MECOM: variants seen among roughly 807,000 people sequenced by gnomAD.
MECOM encodes histone-lysine N-methyltransferase MECOM.
In MECOM, 13 loss-of-function variants were observed where a neutral mutation model predicts 116.3. That is an observed-to-expected ratio of 0.11 (90% CI 0.07 to 0.18). The LOEUF is 0.18. Among genes scored for constraint, MECOM ranks in the 10% least tolerant of loss-of-function variants. The pLI is 1.00. For missense variants in MECOM, 1,299 were observed against 1,509.0 expected (o/e 0.86, Z 2.31); for synonymous variants, 528 against 535.2 (o/e 0.99, Z 0.19).
intron 2 of MECOM, among the ~76,000 whole-genome samples, chr3:169,219,284 A>G (rs1751806656): frequency 1.3e-5 from 2 of 152,182 alleles, no homozygotes; most frequent in African/African-American, 4.8e-5. Flanking sequence ...AGGAGGGTGG[A>G]TCACGAGGTC....
chr3:169,633,615 C>T (rs968738850), intron 1 of MECOM, among the ~76,000 whole-genome samples: 1 of 152,112 alleles, frequency 6.6e-6, no homozygotes, highest in Admixed American at 6.5e-5. Context: ...AATTCACCCA[C>T]ACACACACTC....
At chr3:169,509,810 G>T (rs1030005438) in intron 1 of MECOM, among the ~76,000 whole-genome samples, 1 of 152,204 alleles carries the variant, frequency 6.6e-6, no homozygotes, top group African/African-American at 2.4e-5. Context: ...GAATCGTGCT[G>T]CTATGAACAC....
At chr3:169,256,617 G>C (rs920045088) in intron 2 of MECOM, among the ~76,000 whole-genome samples, 1 of 152,230 alleles carries the variant, frequency 6.6e-6, no homozygotes, top group Non-Finnish European at 1.5e-5. Context: ...AAAAGATGGA[G>C]TTAGTCCAAG....
intron 1 of MECOM, among the ~76,000 whole-genome samples, chr3:169,593,990 G>A (rs1766753884): frequency 6.6e-6 from 1 of 151,602 alleles, no homozygotes; most frequent in Non-Finnish European, 1.5e-5. Flanking sequence ...GTGTGGTGGT[G>A]CACGCCTGTA....
chr3:169,476,133 G>A (rs1288851854), intron 1 of MECOM, among the ~76,000 whole-genome samples: 1 of 152,170 alleles, frequency 6.6e-6, no homozygotes, highest in Non-Finnish European at 1.5e-5. Flanking sequence ...CATATATATA[G>A]TATTAACTCT....
At chr3:169,251,933 A>G (rs1366972411) in intron 2 of MECOM, among the ~76,000 whole-genome samples, 1 of 152,232 alleles carries the variant, frequency 6.6e-6, no homozygotes. Flanking sequence ...AATGTAATAT[A>G]CAGATAATAC....
intron 9 of MECOM, among the ~76,000 whole-genome samples, chr3:169,109,959 A>C (rs941878411): frequency 3.3e-5 from 5 of 152,174 alleles, no homozygotes; most frequent in Non-Finnish European, 7.3e-5. Flanking sequence ...TTTTCCCTAA[A>C]ACATTGAGAA....
chr3:169,094,607 G>A (rs1329772084), intron 13 of MECOM, among the ~76,000 whole-genome samples: 5 of 152,178 alleles, frequency 3.3e-5, no homozygotes, highest in Admixed American at 6.6e-5. Flanking sequence ...CATATTCCCA[G>A]TCTTAACAAA....
intron 8 of MECOM, 94 bp from the exon 9 acceptor site, chr3:169,112,968 A>G (rs1727917600): frequency 1.1e-6 from 1 of 906,118 alleles, no homozygotes; most frequent in Non-Finnish European, 1.7e-6. Flanking sequence ...CAATAAAGTC[A>G]ATGGTAGGTT....
chr3:169,361,177 G>T (rs1430780030), intron 2 of MECOM, among the ~76,000 whole-genome samples: 2 of 151,770 alleles, frequency 1.3e-5, no homozygotes, highest in Non-Finnish European at 2.9e-5. Context: ...CTGCTCCACC[G>T]CACTACAAGA....
At chr3:169,420,900 T>C (rs111451564) in intron 1 of MECOM, among the ~76,000 whole-genome samples, 1,991 of 152,258 alleles carry the variant, frequency 0.013, 21 homozygotes, top group Middle Eastern at 0.041. Context: ...TAAAGTGTAT[T>C]TCATCAATAT....
intron 2 of MECOM, chr3:169,149,460 A>T (rs977259459): frequency 4.4e-6 from 1 of 229,628 alleles, no homozygotes; most frequent in African/African-American, 2.3e-5. Flanking sequence ...CAAGGTCTGG[A>T]TACTTGCAGG....
At chr3:169,240,337 C>T (rs1326540216) in intron 2 of MECOM, among the ~76,000 whole-genome samples, 1 of 152,162 alleles carries the variant, frequency 6.6e-6, no homozygotes, top group Non-Finnish European at 1.5e-5. Flanking sequence ...GGGTTTCAGC[C>T]TCATTCCCCA....
At chr3:169,491,052 C>G (rs1465976973) in intron 1 of MECOM, among the ~76,000 whole-genome samples, 1 of 152,000 alleles carries the variant, frequency 6.6e-6, no homozygotes, top group Non-Finnish European at 1.5e-5. Context: ...GGAGACGGGT[C>G]TCCTTACGTT....
At chr3:169,281,111 C>T (rs774214030) in intron 2 of MECOM, among the ~76,000 whole-genome samples, 8 of 152,182 alleles carry the variant, frequency 5.3e-5, no homozygotes, top group Admixed American at 3.3e-4. Context: ...TGTTGCCACT[C>T]AAAGTGTGAT....
At chr3:169,463,514 A>G (rs1747796852) in intron 1 of MECOM, among the ~76,000 whole-genome samples, 1 of 152,176 alleles carries the variant, frequency 6.6e-6, no homozygotes, top group Non-Finnish European at 1.5e-5. Context: ...AGGGAGGTGG[A>G]TTCTGCCTCC....
chr3:169,381,994 A>G (rs2108281146), intron 1 of MECOM, among the ~76,000 whole-genome samples: 1 of 152,276 alleles, frequency 6.6e-6, no homozygotes, highest in East Asian at 1.9e-4. Context: ...GCCATGTGCC[A>G]CAAGGCTTAA....
At chr3:169,643,022 A>G (rs2110041110) in intron 1 of MECOM, among the ~76,000 whole-genome samples, 1 of 152,334 alleles carries the variant, frequency 6.6e-6, no homozygotes, top group South Asian at 2.1e-4. Context: ...AGGAAAAGAG[A>G]GTCAGGGCTG....
At chr3:169,229,775 C>A (rs1456080239) in intron 2 of MECOM, among the ~76,000 whole-genome samples, 3 of 152,248 alleles carry the variant, frequency 2.0e-5, no homozygotes, top group East Asian at 1.9e-4. Flanking sequence ...TGCTATTATG[C>A]TTTAAAACAC....
Sources: allele counts gnomAD v4.1 joint callset (sites outside exome capture counted in the v4.1 genomes callset), GRCh38; gene constraint gnomAD v4.1.1; transcripts MANE v1.5; gene names NCBI Gene and HGNC (gene_info 2026-07-23, HGNC 2026-07-21).